ARSH: variants seen among roughly 807,000 people sequenced by gnomAD.
ARSH encodes arylsulfatase family member H, also known as arylsulfatase H.
A neutral mutation model predicts 28.7 loss-of-function variants in ARSH; 32 were observed. That is an observed-to-expected ratio of 1.11 (90% CI 0.84 to 1.50). ARSH has a LOEUF of 1.50. Among genes scored for constraint, ARSH ranks in the 40% most tolerant of loss-of-function variants. The pLI is 0.00. For missense variants in ARSH, 440 were observed against 452.4 expected, an observed-to-expected ratio of 0.97 and a Z score of 0.25; for synonymous variants, 176 against 177.3, an observed-to-expected ratio of 0.99 and a Z score of 0.06.
intron 2 of ARSH, among the ~76,000 whole-genome samples, chrX:3,012,586 T>TATTATATATA (rs2089852497): frequency 4.3e-5 from 1 of 23,050 alleles, no homozygotes; most frequent in African/African-American, 1.9e-4. Context: ...TATATATATA[T>TATTATATATA]ATATATATAT....
At position 3,015,396 on chromosome X, in the gene ARSH, A is replaced by G. The variant is rs2089863470; in HGVS notation, c.764+3A>G. 1 of 1,200,343 alleles carries G rather than the reference A, an allele frequency of 8.3e-7. No individual in the cohort carries two copies. The highest frequency in any genetic ancestry group is 1.8e-5 in the South Asian group (1 of 54,915). On this transcript the variant is annotated splice_donor_region_variant and intron_variant, in intron 4 of 8. Coordinates refer to ENST00000381130, the MANE Select transcript of ARSH (RefSeq NM_001011719.2). ...GAGGCACTTGCTTTCATTGAAAGGT[A>G]TTTAGCCATTTCTTGCCTGATTTCC...
rs745756357 is a variant in ARSH, at chrX:3,013,086, G to A, written c.254G>A (p.Trp85Ter). 2.1e-5 allele frequency: 25 copies of A among 1,211,132 alleles called. No homozygotes were observed. In the South Asian group the frequency reaches 4.2e-4, roughly 20 times the overall value. ...SAYNLNRAFT[W>*]LGGSGGLPTN... Reference sequence around the variant, plus strand: ...TACAACCTGAACCGTGCCTTCACGTGGCTTGGTGGGTCAGGTGGTCTTCCC... The same window carrying A: ...TACAACCTGAACCGTGCCTTCACGTAGCTTGGTGGGTCAGGTGGTCTTCCC... Residue 85 changes from tryptophan to a stop codon, truncating the protein, a stop_gained, in exon 3 of 9, where the codon TGG becomes TAG. Coordinates refer to ENST00000381130, the MANE Select transcript of ARSH (RefSeq NM_001011719.2). LOFTEE classifies it high-confidence loss of function.
chrX:3,015,371 G>A lies in ARSH; in HGVS notation c.742G>A (p.Glu248Lys). 4 of 1,210,658 alleles carry A rather than the reference G, an allele frequency of 3.3e-6. No individual in the cohort carries two copies. The highest frequency in any genetic ancestry group is 3.0e-5 in the East Asian group (1 of 33,850). The change falls in exon 4 of 9, where the codon GAG becomes AAG. Residue 248 changes from glutamate to lysine, a missense_variant. Physicochemically the swap from Glu to Lys is moderately conservative, Grantham distance 56. Transcript: ENST00000381130. ...EEKVASLMLK[E>K]ALAFIERYKR... ...GAAAGTAGCTTCCCTCATGCTGAAG[G>A]AGGCACTTGCTTTCATTGAAAGGTA... is the stretch of plus-strand genomic sequence containing the variant.
Position 3,027,515 on chromosome X carries a change from T to C in ARSH, c.1199+40T>C, listed in dbSNP as rs201826431. The C allele has an allele frequency of 1.6e-5, 19 of 1,154,188 alleles. No individual in the cohort carries two copies. The East Asian group carries it at 5.7e-4, about 35-fold the overall frequency. On this transcript the variant is annotated intron_variant, in intron 7 of 8. Transcript: ENST00000381130. ...TTTGCTCCTAACCTAGGGTGATATA[T>C]TTGAACATAAGTGGATATACTTGAT...
At chrX:3,030,646 G>A (rs983523246) in intron 8 of ARSH, among the ~76,000 whole-genome samples, 7 of 111,759 alleles carry the variant, frequency 6.3e-5, no homozygotes, top group Non-Finnish European at 1.3e-4. Context: ...ATCAGATCTC[G>A]TGAGACTTAT....
chrX:3,027,132 G>T (rs749181484), intron 6 of ARSH, among the ~76,000 whole-genome samples, 181 bp from the exon 7 acceptor site: 2 of 111,626 alleles, frequency 1.8e-5, no homozygotes, highest in East Asian at 5.6e-4. Context: ...TAATGGTTTT[G>T]TATTTTTAGC....
intron 5 of ARSH, 85 bp downstream of exon 5, chrX:3,018,755 C>G: frequency 9.8e-7 from 1 of 1,017,631 alleles, no homozygotes; most frequent in Non-Finnish European, 1.4e-6. Context: ...AAATTATGTC[C>G]AGCCCCTTGC....
intron 6 of ARSH, among the ~76,000 whole-genome samples, chrX:3,026,052 C>A (rs986643173): frequency 9.0e-6 from 1 of 110,925 alleles, no homozygotes; most frequent in Admixed American, 9.7e-5. Context: ...AGTTACACCT[C>A]GCAGCTCTGC....
chrX:3,007,702 C>T (rs1411118274), intron 1 of ARSH, among the ~76,000 whole-genome samples: 2 of 104,872 alleles, frequency 1.9e-5, no homozygotes, highest in Admixed American at 2.1e-4. Context: ...TAGTCTATTT[C>T]AGGCTGCTAT....
chrX:3,020,573 A>C (rs1239891892), intron 5 of ARSH, among the ~76,000 whole-genome samples: 2 of 78,861 alleles, frequency 2.5e-5, no homozygotes, highest in African/African-American at 1.0e-4. Flanking sequence ...TGGGCGACAG[A>C]GCCAGACTCA....
chrX:3,017,228 T>C (rs185607760), intron 4 of ARSH, among the ~76,000 whole-genome samples: 1 of 111,079 alleles, frequency 9.0e-6, no homozygotes, highest in East Asian at 2.8e-4. Context: ...TTGTGAAAAA[T>C]GTGTAAAGGA....
chrX:3,025,069 G>A lies in ARSH; in HGVS notation c.1036+914G>A, dbSNP rs375743914. Among the ~76,000 whole-genome samples, 65 of 109,062 alleles carry A rather than the reference G, an allele frequency of 6.0e-4. 1 individual carries two copies. The South Asian group carries it at 0.022, about 37-fold the overall frequency. 94.7% of individuals were successfully genotyped at this position (109,062 alleles called of 115,157 possible). A position where few individuals can be genotyped will look rare whatever the true frequency, so the allele number is the denominator to read the frequency against. ...TAATCACTATGTATATAAATTCACC[G>A]TATTAATTGTATGTAATATAATATA... On this transcript the variant is annotated intron_variant, in intron 6 of 8. Coordinates refer to ENST00000381130, the MANE Select transcript of ARSH (RefSeq NM_001011719.2).
At chrX:3,020,993 CAA>C (rs2089882296) in intron 5 of ARSH, among the ~76,000 whole-genome samples, 1 of 111,428 alleles carries the variant, frequency 9.0e-6, no homozygotes, top group Non-Finnish European at 1.9e-5. Context: ...TATGTATACA[CAA>C]GTTATGTTTT....
At chrX:3,018,443 T>G (rs751071806) in intron 4 of ARSH, 91 bp from the exon 5 acceptor site, 17 of 964,846 alleles carry the variant, frequency 1.8e-5, no homozygotes, top group Non-Finnish European at 2.4e-5. Flanking sequence ...CCAGCTATTA[T>G]GAGATCTTTT....
chrX:3,019,192 G>T (rs1348488508), intron 5 of ARSH, among the ~76,000 whole-genome samples: 1 of 105,175 alleles, frequency 9.5e-6, no homozygotes, highest in Non-Finnish European at 1.9e-5. Flanking sequence ...TTGGATCCAG[G>T]ATGCAGAGGT....
chrX:3,021,881 T>TTG (rs3032484), intron 5 of ARSH, among the ~76,000 whole-genome samples: 1,770 of 93,811 alleles, frequency 0.019, 30 homozygotes, highest in African/African-American at 0.048. Flanking sequence ...TCTGGCCAAT[T>TTG]TGTGTGTGTG....
In ARSH at chrX:3,024,064, C is replaced by T. The variant is rs1336610349; in HGVS notation, c.945C>T (p.His315=). ...TGGACCAGGAGCGCCTGGCCAACCACACCTTGGTGTACTTCACCTCTGACA... is the reference window on the plus strand; with the variant it reads ...TGGACCAGGAGCGCCTGGCCAACCATACCTTGGTGTACTTCACCTCTGACA... The part of the protein sequence containing the change: ...DALDQERLAN[H]TLVYFTSDNG... The change falls in exon 6 of 9, where the codon CAC becomes CAT. Residue 315 remains histidine (H), a synonymous_variant. Coordinates refer to ENST00000381130, the MANE Select transcript of ARSH (RefSeq NM_001011719.2). 1 of 1,209,653 alleles carries T rather than the reference C, an allele frequency of 8.3e-7. No homozygotes were observed. The highest frequency in any genetic ancestry group is 1.1e-6 in the Non-Finnish European group (1 of 894,631).
chrX:3,016,737 C>T (rs189902692), intron 4 of ARSH, among the ~76,000 whole-genome samples: 81 of 110,744 alleles, frequency 7.3e-4, no homozygotes, highest in Non-Finnish European at 3.2e-4. Flanking sequence ...ATGACCACAC[C>T]CAGTTAATTT....
At chrX:3,012,581 A>ATAT (rs1555914103) in intron 2 of ARSH, among the ~76,000 whole-genome samples, 25 of 21,039 alleles carry the variant, frequency 1.2e-3, no homozygotes, top group African/African-American at 4.7e-3. Flanking sequence ...ATATATATAT[A>ATAT]TATATATATA....
Sources: allele counts gnomAD v4.1 joint callset (sites outside exome capture counted in the v4.1 genomes callset), GRCh38; gene constraint gnomAD v4.1.1; transcripts MANE v1.5; gene names NCBI Gene and HGNC (gene_info 2026-07-23, HGNC 2026-07-21).